The following IL1RAPL2 variants were observed in gnomAD, a reference collection of about 807,000 sequenced individuals.
The protein encoded by IL1RAPL2 is X-linked interleukin-1 receptor accessory protein-like 2.
In IL1RAPL2, 3 loss-of-function variants were observed where a neutral mutation model predicts 44.1. The observed-to-expected ratio is 0.07, with a 90% CI of 0.03 to 0.18. The LOEUF is 0.18. Ranked by LOEUF, IL1RAPL2 falls within the 10% of genes least tolerant of loss-of-function variation. The pLI, the probability that IL1RAPL2 is intolerant of heterozygous loss-of-function variation, is 1.00. For synonymous variants in IL1RAPL2, 181 were observed against 178.8 expected, an observed-to-expected ratio of 1.01 and a Z score of -0.10; for missense variants, 391 against 496.4, an observed-to-expected ratio of 0.79 and a Z score of 2.02.
intron 2 of IL1RAPL2, among the ~76,000 whole-genome samples, chrX:105,172,068 C>T (rs777630978): frequency 4.5e-5 from 5 of 112,189 alleles, no homozygotes; most frequent in Admixed American, 9.4e-5. Flanking sequence ...GGTCAAAATG[C>T]CCCCATGGCA....
intron 2 of IL1RAPL2, among the ~76,000 whole-genome samples, chrX:104,906,869 T>C (rs941219229): frequency 8.0e-5 from 9 of 111,927 alleles, no homozygotes; most frequent in African/African-American, 9.7e-5. Context: ...TGGAATAGTT[T>C]CAGAAGGAAA....
intron 2 of IL1RAPL2, among the ~76,000 whole-genome samples, chrX:105,046,274 A>G (rs1171001133): frequency 8.9e-6 from 1 of 111,794 alleles, no homozygotes; most frequent in Non-Finnish European, 1.9e-5. Flanking sequence ...AGTAACCAGG[A>G]ATTGAAAACC....
At chrX:104,873,950 T>C (rs1922830722) in intron 2 of IL1RAPL2, among the ~76,000 whole-genome samples, 1 of 111,345 alleles carries the variant, frequency 9.0e-6, no homozygotes, top group Admixed American at 9.5e-5. Flanking sequence ...ATTATCATAA[T>C]CTGATATTCA....
chrX:104,781,072 T>TTA (rs1052145643), intron 2 of IL1RAPL2, among the ~76,000 whole-genome samples: 1 of 110,675 alleles, frequency 9.0e-6, no homozygotes, highest in Non-Finnish European at 1.9e-5. Context: ...TAGTTTTATT[T>TTA]TTTTTTTTGT....
intron 2 of IL1RAPL2, among the ~76,000 whole-genome samples, chrX:104,887,085 C>A (rs1378365566): frequency 8.9e-6 from 1 of 112,465 alleles, no homozygotes; most frequent in Non-Finnish European, 1.9e-5. Context: ...GCCATAATGG[C>A]TTATCCTTGC....
At chrX:105,328,134 A>G (rs1206572600) in intron 5 of IL1RAPL2, among the ~76,000 whole-genome samples, 2 of 111,818 alleles carry the variant, frequency 1.8e-5, no homozygotes, top group Non-Finnish European at 3.8e-5. Context: ...AAGAAGCAAG[A>G]GTACTTTCCA....
chrX:104,795,072 A>G (rs758757305), intron 2 of IL1RAPL2, among the ~76,000 whole-genome samples: 2 of 111,623 alleles, frequency 1.8e-5, no homozygotes, highest in African/African-American at 6.6e-5. Context: ...CCTACCTCAT[A>G]GGAAAGTATA....
intron 6 of IL1RAPL2, among the ~76,000 whole-genome samples, chrX:105,631,876 G>C (rs1024540113): frequency 2.7e-5 from 3 of 111,252 alleles, no homozygotes; most frequent in Non-Finnish European, 5.7e-5. Context: ...TTTAAAATCA[G>C]TGTGGATATT....
intron 6 of IL1RAPL2, among the ~76,000 whole-genome samples, chrX:105,501,149 T>C (rs1162978528): frequency 8.9e-6 from 1 of 111,845 alleles, no homozygotes; most frequent in Non-Finnish European, 1.9e-5. Context: ...GTCGTATGTA[T>C]GAACAAATTT....
chrX:105,193,162 T>C (rs2033646713), intron 2 of IL1RAPL2, among the ~76,000 whole-genome samples: 1 of 111,660 alleles, frequency 9.0e-6, no homozygotes, highest in African/African-American at 3.3e-5. Flanking sequence ...CTTAGAAGAC[T>C]TAGAAGAGAT....
At chrX:104,571,278 C>T (rs992957001) in intron 1 of IL1RAPL2, among the ~76,000 whole-genome samples, 1 of 111,839 alleles carries the variant, frequency 8.9e-6, no homozygotes, top group Non-Finnish European at 1.9e-5. Context: ...AAAAGTGTTA[C>T]TTAGTGAGTG....
intron 2 of IL1RAPL2, among the ~76,000 whole-genome samples, chrX:104,918,035 AT>A (rs1338712702): frequency 4.5e-5 from 5 of 111,504 alleles, no homozygotes. Flanking sequence ...TCCAAAAAAA[AT>A]TTATGTAACG....
intron 6 of IL1RAPL2, among the ~76,000 whole-genome samples, chrX:105,704,621 T>C (rs1401130002): frequency 8.9e-6 from 1 of 111,951 alleles, no homozygotes; most frequent in Non-Finnish European, 1.9e-5. Context: ...TTTTCTTTTC[T>C]TTTAAATTTT....
chrX:104,676,886 T>C (rs993664231), intron 2 of IL1RAPL2, among the ~76,000 whole-genome samples: 1 of 112,250 alleles, frequency 8.9e-6, no homozygotes, highest in Non-Finnish European at 1.9e-5. Flanking sequence ...TTCCAGTTGA[T>C]CACATCGGCT....
rs190130698 is a variant in IL1RAPL2 at position 105,301,627 on chromosome X, G to A, written c.697+34086G>A. ...CAATAAATGAGAACATGCCACATTC[G>A]TCTTTCTGTGCCTGGCTTATTTCAC... On this transcript the variant is annotated intron_variant, in intron 5 of 10. Coordinates refer to ENST00000372582, the MANE Select transcript of IL1RAPL2 (RefSeq NM_017416.2). Among the ~76,000 whole-genome samples the A allele has an allele frequency of 2.2e-3, 240 of 110,753 alleles. 1 individual carries two copies. The highest frequency in any genetic ancestry group is 7.5e-3 in the African/African-American group (227 of 30,460).
intron 5 of IL1RAPL2, among the ~76,000 whole-genome samples, chrX:105,428,442 C>T (rs979407539): frequency 1.8e-5 from 2 of 111,317 alleles, no homozygotes; most frequent in Non-Finnish European, 3.8e-5. Flanking sequence ...TCAGAGTTCC[C>T]GACAACATCC....
chrX:104,821,462 T>C (rs1921301383), intron 2 of IL1RAPL2, among the ~76,000 whole-genome samples: 1 of 110,914 alleles, frequency 9.0e-6, no homozygotes, highest in Non-Finnish European at 1.9e-5. Flanking sequence ...GTTGTCATTG[T>C]TCAACTCCCA....
chrX:104,826,391 A>G (rs770438085), intron 2 of IL1RAPL2, among the ~76,000 whole-genome samples: 9 of 111,855 alleles, frequency 8.0e-5, no homozygotes, highest in Non-Finnish European at 1.3e-4. Context: ...ATTCAGGAGC[A>G]GGTTGTTCAG....
chrX:104,589,460 G>T (rs1928623355), intron 1 of IL1RAPL2, among the ~76,000 whole-genome samples: 1 of 111,999 alleles, frequency 8.9e-6, no homozygotes, highest in African/African-American at 3.2e-5. Context: ...GGGTGAGTCT[G>T]CCTTTCCCAG....
Sources: gnomAD v4.1 joint callset for allele counts (sites outside exome capture counted in the v4.1 genomes callset) on GRCh38, gnomAD v4.1.1 for gene constraint, MANE v1.5 for transcripts, NCBI Gene and HGNC (gene_info 2026-07-23, HGNC 2026-07-21) for gene names.